The following ANKRD26 variants were observed in gnomAD, a reference collection of about 807,000 sequenced individuals.
ANKRD26 encodes the protein ankyrin repeat domain-containing protein 26.
Under a neutral mutation model 208.7 loss-of-function variants are expected in ANKRD26, and 141 were observed. The observed-to-expected ratio is 0.68, with a 90% CI of 0.59 to 0.78. The LOEUF (loss-of-function observed/expected upper bound fraction) is 0.78, where lower values mean the gene tolerates loss of function less well. Ranked by LOEUF, ANKRD26 falls within the 30% of genes least tolerant of loss-of-function variation. The pLI is 0.00. For missense variants in ANKRD26, 1,889 were observed against 1,938.7 expected (o/e 0.97, Z 0.48); for synonymous variants, 636 against 660.4 (o/e 0.96, Z 0.57).
chr10:27,029,256 T>A, intron 26 of ANKRD26, 30 bp downstream of exon 26: 2 of 1,587,648 alleles, frequency 1.3e-6, no homozygotes, highest in Non-Finnish European at 1.7e-6. Flanking sequence ...TAAATAATCA[T>A]GTTTTTCTGT....
At chr10:26,951,013 C>CTTTTTTTTTTTTTTTTTTTTTTTTTTTT in the ANKRD26 span, among the ~76,000 whole-genome samples, 36 of 100,924 alleles carry the variant, frequency 3.6e-4, 2 homozygotes, top group African/African-American at 1.8e-3. Flanking sequence ...CTTTTCTTTT[C>CTTTTTTTTTTTTTTTTTTTTTTTTTTTT]TTTTTCTTTT....
chr10:27,026,887 A>G (rs1186325375), intron 27 of ANKRD26, among the ~76,000 whole-genome samples: 1 of 151,988 alleles, frequency 6.6e-6, no homozygotes. Flanking sequence ...TCTGGGTTCA[A>G]GCAATTCTCC....
rs1423994964 is a variant in ANKRD26, at chr10:27,077,440, T to C, written c.975A>G (p.Thr325=). 9 of 1,613,910 alleles carry C rather than the reference T, an allele frequency of 5.6e-6. No homozygotes were observed. Among genetic ancestry groups the C allele is most frequent in the Admixed American group, 3.3e-5 (2 of 59,964 alleles). ...QDEVVVESLP[T]TSIKVQCFSH... ...AAAAGCACTGGACTTTGATTGATGT[T>C]GTAGGAAGGCTTTCAACCACAACTT... The change falls in exon 9 of 34, where the codon ACA becomes ACG. Residue 325 remains threonine (T), a synonymous_variant. Transcript: ENST00000376087.
chr10:26,960,103 A>G, the ANKRD26 span, among the ~76,000 whole-genome samples: 1 of 151,728 alleles, frequency 6.6e-6, no homozygotes, highest in Non-Finnish European at 1.5e-5. Flanking sequence ...TGGAGGCGAC[A>G]GCACCATTGC....
At chr10:26,973,652 T>TTTC (rs1401654789), downstream of ANKRD26, among the ~76,000 whole-genome samples, 11 of 133,420 alleles carry the variant, frequency 8.2e-5, no homozygotes, top group East Asian at 1.9e-3. Context: ...ATTTGTCCTT[T>TTTC]TTTTTTTTTT....
At chr10:26,958,621 T>C in the ANKRD26 span, among the ~76,000 whole-genome samples, 848 of 152,350 alleles carry the variant, frequency 5.6e-3, 6 homozygotes, top group African/African-American at 0.019. Context: ...ACTCCATCCA[T>C]GTCCCTGCAA....
chr10:26,948,359 T>A, the ANKRD26 span, among the ~76,000 whole-genome samples: 1 of 152,238 alleles, frequency 6.6e-6, no homozygotes, highest in South Asian at 2.1e-4. Flanking sequence ...TCGAGAAGCA[T>A]TCAATAGCCA....
At chr10:27,059,191 G>A (rs2054958437) in intron 15 of ANKRD26, among the ~76,000 whole-genome samples, 1 of 152,196 alleles carries the variant, frequency 6.6e-6, no homozygotes, top group Non-Finnish European at 1.5e-5. Flanking sequence ...TGGGCTAACA[G>A]GTGTGAGCCA....
At position 26,986,708 on chromosome 10, in the gene ANKRD26, T is replaced by C. The variant is rs1475710259; in HGVS notation, c.490-3895A>G. On this transcript the variant is annotated intron_variant and NMD_transcript_variant, in intron 3 of 5. Transcript: ENST00000674670. ...TCATCATCACTGGCCATCAGAGAAATGCAAATCAAAACCACAATGAGATAC... is the reference window on the plus strand; with the variant it reads ...TCATCATCACTGGCCATCAGAGAAACGCAAATCAAAACCACAATGAGATAC... Among the ~76,000 whole-genome samples the C allele has an allele frequency of 1.7e-4, 26 of 152,206 alleles. No individual in the cohort carries two copies. In the East Asian group the frequency reaches 4.8e-3, roughly 28 times the overall value.
Position 27,063,975 on chromosome 10 carries a change from A to G in ANKRD26, c.1363+13T>C. On this transcript the variant is annotated intron_variant, in intron 12 of 33. Transcript: ENST00000376087. ...TGTCCAATGGCTTTTTAAAAATGAA[A>G]TATAGCTCTTACCTTCTGCTTGTTC... The G allele has an allele frequency of 6.3e-7, 1 of 1,587,932 alleles. No individual in the cohort carries two copies. Among genetic ancestry groups the G allele is most frequent in the Admixed American group, 1.7e-5 (1 of 59,940 alleles).
intron 33 of ANKRD26, among the ~76,000 whole-genome samples, 172 bp from the exon 34 acceptor site, chr10:27,005,895 C>T (rs754266242): frequency 1.3e-5 from 2 of 152,190 alleles, no homozygotes; most frequent in Non-Finnish European, 2.9e-5. Context: ...TGGTTGCACA[C>T]TGAATTAATT....
chr10:27,017,779 G>C lies in ANKRD26; in HGVS notation c.4229C>G (p.Thr1410Arg), dbSNP rs930166867. 6.8e-6 allele frequency: 11 copies of C among 1,612,356 alleles called. No homozygotes were observed. The highest frequency in any genetic ancestry group is 2.2e-5 in the East Asian group (1 of 44,786). The change falls in exon 30 of 34, where the codon ACA (threonine) becomes AGA (arginine). Residue 1410 changes from threonine to arginine, a missense_variant. This residue lies in a region of ANKRD26 where 613 missense variants were observed against 648.2 expected (regional missense o/e 0.95). Coordinates refer to ENST00000376087, the MANE Select transcript of ANKRD26 (RefSeq NM_014915.3). ...TGAACCTGCAGTCTCCAGTTCTGCTGTAAGATCATCAATCTGAATGAAGAC... is the reference window on the plus strand; with the variant it reads ...TGAACCTGCAGTCTCCAGTTCTGCTCTAAGATCATCAATCTGAATGAAGAC... ...NKLKHKIDDL[T>R]AELETAGSKC...
chr10:26,984,719 G>A (rs1190037381), intron 3 of ANKRD26, among the ~76,000 whole-genome samples: 1 of 152,142 alleles, frequency 6.6e-6, no homozygotes, highest in Non-Finnish European at 1.5e-5. Flanking sequence ...CCTGACACAT[G>A]GGCCTTCCCA....
chr10:27,015,584 T>C (rs1242207165), intron 30 of ANKRD26, among the ~76,000 whole-genome samples: 1 of 152,200 alleles, frequency 6.6e-6, no homozygotes, highest in Non-Finnish European at 1.5e-5. Context: ...AAGAAATCTG[T>C]GTTATCATGG....
intron 15 of ANKRD26, among the ~76,000 whole-genome samples, chr10:27,057,485 T>TTGTG (rs983377009): frequency 1.3e-5 from 2 of 152,210 alleles, no homozygotes; most frequent in East Asian, 3.9e-4. Flanking sequence ...GATGACAGTA[T>TTGTG]TGTGTGTGTG....
intron 6 of ANKRD26, among the ~76,000 whole-genome samples, chr10:27,082,135 C>T (rs1486422141): frequency 4.7e-5 from 7 of 150,102 alleles, no homozygotes; most frequent in Admixed American, 4.6e-4. Context: ...AGAGTACTAG[C>T]CTAAAGGGAA....
chr10:27,037,079 A>C, intron 23 of ANKRD26, 107 bp downstream of exon 23: 1 of 1,210,138 alleles, frequency 8.3e-7, no homozygotes, highest in Non-Finnish European at 1.2e-6. Context: ...ATGGTTTAAA[A>C]ATCCTCGACA....
the ANKRD26 span, among the ~76,000 whole-genome samples, chr10:26,959,325 G>A: frequency 6.6e-6 from 1 of 151,278 alleles, no homozygotes; most frequent in Admixed American, 6.6e-5. Context: ...TTGGAGAGGC[G>A]AAATGAACGT....
intron 1 of ANKRD26, among the ~76,000 whole-genome samples, chr10:27,097,323 A>T (rs2056500978): frequency 6.6e-6 from 1 of 151,238 alleles, no homozygotes; most frequent in African/African-American, 2.4e-5. Flanking sequence ...GAAATACAAA[A>T]AAAAAAAAAA....
Sources: gnomAD v4.1 joint callset for allele counts (sites outside exome capture counted in the v4.1 genomes callset) on GRCh38, gnomAD v4.1.1 for gene constraint, gnomAD v4.1.1 regional missense constraint, MANE v1.5 for transcripts, NCBI Gene and HGNC (gene_info 2026-07-23, HGNC 2026-07-21) for gene names.